ADAMTSL3: variants seen among roughly 807,000 people sequenced by gnomAD.
ADAMTSL3 encodes the protein ADAMTS-like protein 3.
Under a neutral mutation model 201.7 loss-of-function variants are expected in ADAMTSL3, and 128 were observed. That is an observed-to-expected ratio of 0.63 (90% CI 0.55 to 0.73). The LOEUF is 0.73. Ranked by LOEUF, ADAMTSL3 falls within the 30% of genes least tolerant of loss-of-function variation. ADAMTSL3 has a pLI of 0.00. For synonymous variants in ADAMTSL3, 738 were observed against 748.4 expected (o/e 0.99, Z 0.23); for missense variants, 1,990 against 2,119.6 (o/e 0.94, Z 1.20).
intron 3 of ADAMTSL3, among the ~76,000 whole-genome samples, chr15:83,721,836 G>A (rs896064566): frequency 1.1e-4 from 17 of 152,226 alleles, no homozygotes; most frequent in African/African-American, 3.9e-4. Context: ...GGGTTCAAGC[G>A]ATTCTCCTAC....
intron 3 of ADAMTSL3, among the ~76,000 whole-genome samples, chr15:83,716,999 G>A (rs1170089079): frequency 6.6e-6 from 1 of 152,160 alleles, no homozygotes; most frequent in East Asian, 1.9e-4. Context: ...ACTGCATTAA[G>A]ACATATATTT....
At chr15:83,996,233 C>G (rs145066020) in intron 23 of ADAMTSL3, among the ~76,000 whole-genome samples, 1 of 152,134 alleles carries the variant, frequency 6.6e-6, no homozygotes, top group Non-Finnish European at 1.5e-5. Flanking sequence ...TGGGGTTGCA[C>G]AACTCTGTGA....
At chr15:83,714,902 CT>C (rs1450988455) in intron 3 of ADAMTSL3, among the ~76,000 whole-genome samples, 3 of 79,118 alleles carry the variant, frequency 3.8e-5, no homozygotes, top group African/African-American at 9.2e-5. Context: ...TCCTTCCTTC[CT>C]TCCTTCCTTC....
intron 15 of ADAMTSL3, among the ~76,000 whole-genome samples, chr15:83,900,382 A>T (rs1567223927): frequency 6.6e-6 from 1 of 152,238 alleles, no homozygotes; most frequent in Non-Finnish European, 1.5e-5. Flanking sequence ...ATCAAGAGGA[A>T]ATCAAAGAAG....
At chr15:83,795,584 C>T (rs890374853) in intron 4 of ADAMTSL3, among the ~76,000 whole-genome samples, 9 of 152,042 alleles carry the variant, frequency 5.9e-5, no homozygotes, top group Non-Finnish European at 1.3e-4. Flanking sequence ...TGTCCACACA[C>T]CAGCATAGGG....
intron 5 of ADAMTSL3, among the ~76,000 whole-genome samples, chr15:83,816,722 C>G (rs1196690963): frequency 6.6e-6 from 1 of 152,246 alleles, no homozygotes; most frequent in Non-Finnish European, 1.5e-5. Context: ...GGAAAGTCAT[C>G]TGGCCTGGCA....
chr15:83,716,556 C>A (rs1596079220), intron 3 of ADAMTSL3, among the ~76,000 whole-genome samples: 1 of 150,334 alleles, frequency 6.7e-6, no homozygotes, highest in African/African-American at 2.4e-5. Context: ...AAAATAAATT[C>A]TTAAAAAAGT....
chr15:83,885,363 TAATG>T (rs1377988411), intron 10 of ADAMTSL3, 151 bp downstream of exon 10: 1 of 660,024 alleles, frequency 1.5e-6, no homozygotes, highest in East Asian at 2.9e-5. Context: ...GCAATCGTGT[TAATG>T]AAGAAGATGC....
chr15:84,004,945 C>G (rs988698024), intron 23 of ADAMTSL3, among the ~76,000 whole-genome samples: 1 of 152,134 alleles, frequency 6.6e-6, no homozygotes, highest in African/African-American at 2.4e-5. Context: ...GCAGTGACTC[C>G]CCTAAATTGA....
chr15:83,752,940 T>G (rs1405654390), intron 3 of ADAMTSL3, among the ~76,000 whole-genome samples: 1 of 152,216 alleles, frequency 6.6e-6, no homozygotes, highest in Non-Finnish European at 1.5e-5. Flanking sequence ...CCCTGAGAAT[T>G]ATGCCCTGAC....
intron 16 of ADAMTSL3, among the ~76,000 whole-genome samples, chr15:83,918,741 G>A (rs2066082542): frequency 6.6e-6 from 1 of 152,210 alleles, no homozygotes; most frequent in Non-Finnish European, 1.5e-5. Context: ...TCAATGGGAA[G>A]TCATTCAAGT....
At chr15:83,708,894 G>A (rs1235586075) in intron 3 of ADAMTSL3, among the ~76,000 whole-genome samples, 2 of 152,090 alleles carry the variant, frequency 1.3e-5, no homozygotes, top group Non-Finnish European at 2.9e-5. Flanking sequence ...AAACAGAGAC[G>A]CCAAATGTGC....
intron 2 of ADAMTSL3, among the ~76,000 whole-genome samples, chr15:83,684,928 A>G (rs900750557): frequency 1.3e-5 from 2 of 152,220 alleles, no homozygotes; most frequent in Non-Finnish European, 2.9e-5. Context: ...AAAAATTATT[A>G]GGTAAAATAT....
At chr15:83,795,234 AAAC>A (rs561027421) in intron 4 of ADAMTSL3, among the ~76,000 whole-genome samples, 151 of 126,848 alleles carry the variant, frequency 1.2e-3, no homozygotes, top group Non-Finnish European at 1.4e-3. Flanking sequence ...CACACATTTA[AAAC>A]AACAACAACA....
intron 2 of ADAMTSL3, among the ~76,000 whole-genome samples, chr15:83,703,996 C>G (rs1477154697): frequency 3.1e-5 from 3 of 95,828 alleles, no homozygotes; most frequent in African/African-American, 4.7e-5. Context: ...GTTTCTCACT[C>G]CTTTGCCAAA....
In ADAMTSL3 at chr15:83,756,882, G is replaced by A. The variant is rs2062729933; in HGVS notation, c.190-16641G>A. Among the ~76,000 whole-genome samples, 3 of 152,184 alleles carry A rather than the reference G, an allele frequency of 2.0e-5. No individual in the cohort carries two copies. In the South Asian group the frequency reaches 6.2e-4, roughly 31 times the overall value. On this transcript the variant is annotated intron_variant, in intron 3 of 29. Coordinates refer to ENST00000286744, the MANE Select transcript of ADAMTSL3 (RefSeq NM_207517.3). ...AGGGCCCATACAAGTCTGAAATCCA[G>A]TGGGGCAGTCAAATCTTAAAGCTCC...
chr15:83,864,440 G>T (rs951237749), intron 8 of ADAMTSL3, among the ~76,000 whole-genome samples: 12 of 152,308 alleles, frequency 7.9e-5, no homozygotes, highest in South Asian at 2.1e-4. Flanking sequence ...TCATCCCTGT[G>T]ATGCAAGGCT....
chr15:83,988,667 G>A, intron 21 of ADAMTSL3, 24 bp from the exon 22 acceptor site: 5 of 1,567,036 alleles, frequency 3.2e-6, no homozygotes, highest in Non-Finnish European at 4.3e-6. Flanking sequence ...ATATGAATGT[G>A]TCGTCTTTCT....
At chr15:83,812,033 A>G (rs2063706991) in intron 5 of ADAMTSL3, among the ~76,000 whole-genome samples, 1 of 152,230 alleles carries the variant, frequency 6.6e-6, no homozygotes, top group African/African-American at 2.4e-5. Flanking sequence ...AGATTATGCA[A>G]GTATATTCCT....
Sources: gnomAD v4.1 joint callset for allele counts (sites outside exome capture counted in the v4.1 genomes callset) on GRCh38, gnomAD v4.1.1 for gene constraint, MANE v1.5 for transcripts, NCBI Gene and HGNC (gene_info 2026-07-23, HGNC 2026-07-21) for gene names.